GPHN: variants seen among roughly 807,000 people sequenced by gnomAD.
GPHN encodes gephyrin.
GPHN carries 17 observed loss-of-function variants against 95.5 expected under a neutral mutation model. The ratio of observed to expected loss-of-function variants is 0.18; its 90% CI spans 0.12 to 0.27. The LOEUF is 0.27. Among genes scored for constraint, GPHN ranks in the 10% least tolerant of loss-of-function variants. GPHN has a pLI of 1.00. For missense variants in GPHN, 660 were observed against 978.1 expected, an observed-to-expected ratio of 0.67 and a Z score of 4.34; for synonymous variants, 320 against 322.5, an observed-to-expected ratio of 0.99 and a Z score of 0.08.
intron 9 of GPHN, among the ~76,000 whole-genome samples, chr14:67,012,990 T>C (rs965670052): frequency 1.3e-5 from 2 of 152,152 alleles, no homozygotes; most frequent in African/African-American, 4.8e-5. Context: ...CTTATTAGTT[T>C]AGGTGCTTAT....
chr14:66,871,997 C>G (rs141901805), intron 4 of GPHN, among the ~76,000 whole-genome samples: 14 of 152,042 alleles, frequency 9.2e-5, no homozygotes, highest in African/African-American at 3.1e-4. Flanking sequence ...AAAGTCCTTA[C>G]GTTTTTGTTA....
chr14:67,144,489 AT>A (rs1473868873), intron 18 of GPHN, among the ~76,000 whole-genome samples: 1 of 151,526 alleles, frequency 6.6e-6, no homozygotes, highest in African/African-American at 2.4e-5. Flanking sequence ...ACCAAGCTTA[AT>A]TTTTGGCTCA....
chr14:66,847,212 A>G (rs1358363591), intron 4 of GPHN, among the ~76,000 whole-genome samples: 2 of 152,166 alleles, frequency 1.3e-5, no homozygotes, highest in African/African-American at 4.8e-5. Context: ...TCATGTTGAG[A>G]AAAGCACAAC....
chr14:67,449,767 T>C, the GPHN span, among the ~76,000 whole-genome samples: 1 of 152,170 alleles, frequency 6.6e-6, no homozygotes, highest in African/African-American at 2.4e-5. Context: ...GTTCTTGTGA[T>C]AGTGAATGGG....
chr14:66,955,945 C>T (rs1457796877), intron 8 of GPHN, among the ~76,000 whole-genome samples: 1 of 151,876 alleles, frequency 6.6e-6, no homozygotes, highest in Admixed American at 6.6e-5. Context: ...TTTCTTAATC[C>T]AGTCTATCAT....
chr14:67,303,620 C>A, the GPHN span: 7 of 1,569,756 alleles, frequency 4.5e-6, no homozygotes, highest in African/African-American at 8.1e-5. Context: ...TTTAAATGTT[C>A]ATTATTTATG....
the GPHN span, among the ~76,000 whole-genome samples, chr14:67,386,713 TATGTA>T: frequency 2.6e-5 from 4 of 152,248 alleles, no homozygotes; most frequent in Non-Finnish European, 4.4e-5. Flanking sequence ...ATAGAAAAGC[TATGTA>T]ATGTATTTTT....
chr14:66,974,602 A>G (rs1466493636), intron 9 of GPHN, among the ~76,000 whole-genome samples: 1 of 152,140 alleles, frequency 6.6e-6, no homozygotes, highest in Non-Finnish European at 1.5e-5. Flanking sequence ...GCTAAGACAG[A>G]CTGTAAGTGG....
intron 1 of GPHN, among the ~76,000 whole-genome samples, chr14:66,554,585 G>C (rs112500292): frequency 5.9e-5 from 9 of 152,068 alleles, no homozygotes; most frequent in Non-Finnish European, 1.2e-4. Flanking sequence ...GAATTCATTC[G>C]CTATCACAAG....
chr14:67,184,611 G>A (rs890329680), downstream of GPHN, among the ~76,000 whole-genome samples: 1 of 152,126 alleles, frequency 6.6e-6, no homozygotes. Flanking sequence ...AATGTTAAAC[G>A]TTAATAAAAA....
At chr14:66,692,363 A>G (rs1020790209) in intron 2 of GPHN, among the ~76,000 whole-genome samples, 7 of 152,194 alleles carry the variant, frequency 4.6e-5, no homozygotes, top group East Asian at 1.9e-4. Flanking sequence ...CCTGCTAGGA[A>G]CTAAACAGGT....
intron 4 of GPHN, among the ~76,000 whole-genome samples, chr14:66,873,228 G>T (rs565814464): frequency 6.6e-6 from 1 of 152,150 alleles, no homozygotes; most frequent in East Asian, 1.9e-4. Context: ...TGTGCATTCC[G>T]GCCCAGATAC....
chr14:67,175,212 T>C (rs2082862490), intron 21 of GPHN, among the ~76,000 whole-genome samples: 1 of 152,238 alleles, frequency 6.6e-6, no homozygotes, highest in Non-Finnish European at 1.5e-5. Context: ...TGGTTTTAGG[T>C]CTAACATGTA....
the GPHN span, among the ~76,000 whole-genome samples, chr14:67,732,857 A>T: frequency 6.6e-6 from 1 of 152,196 alleles, no homozygotes; most frequent in African/African-American, 2.4e-5. Flanking sequence ...CTGGGATTAC[A>T]GGTGTGAGCC....
chr14:67,659,580 G>A, the GPHN span: 3 of 733,936 alleles, frequency 4.1e-6, no homozygotes, highest in Non-Finnish European at 6.1e-6. Flanking sequence ...GGGGTAACAG[G>A]AACTGGATGC....
chr14:67,301,330 C>A, the GPHN span: 1 of 1,043,816 alleles, frequency 9.6e-7, no homozygotes, highest in Non-Finnish European at 1.4e-6. Context: ...ACCCTGCATA[C>A]AGGTGCTACT....
chr14:67,689,791 A>G, the GPHN span, among the ~76,000 whole-genome samples: 1 of 152,080 alleles, frequency 6.6e-6, no homozygotes. Flanking sequence ...TAAAAATACA[A>G]AAATTAGCCA....
intron 9 of GPHN, among the ~76,000 whole-genome samples, chr14:66,978,298 C>T (rs1389952053): frequency 6.6e-6 from 1 of 152,150 alleles, no homozygotes; most frequent in Non-Finnish European, 1.5e-5. Context: ...CCCTTCCTTT[C>T]ACAAGAGATT....
At chr14:67,150,309 C>T (rs1421939773) in intron 18 of GPHN, among the ~76,000 whole-genome samples, 2 of 150,134 alleles carry the variant, frequency 1.3e-5, no homozygotes, top group South Asian at 2.1e-4. Context: ...GGCGTAGTGG[C>T]GGGCGCCTGT....
Sources: allele counts gnomAD v4.1 joint callset (sites outside exome capture counted in the v4.1 genomes callset), GRCh38; gene constraint gnomAD v4.1.1; transcripts MANE v1.5; gene names NCBI Gene and HGNC (gene_info 2026-07-23, HGNC 2026-07-21).